Variants in ACADVL observed in about 807,000 individuals in gnomAD.
ACADVL encodes the protein very long-chain acyl-CoA dehydrogenase, mitochondrial.
In ACADVL, 73 loss-of-function variants were observed where a neutral mutation model predicts 80.4. The ratio of observed to expected loss-of-function variants is 0.91; its 90% CI spans 0.75 to 1.10. The LOEUF (loss-of-function observed/expected upper bound fraction) is 1.10. ACADVL is among the 50% of genes least tolerant of loss of function. ACADVL has a pLI of 0.00. For missense variants in ACADVL, 878 were observed against 858.9 expected (o/e 1.02, Z -0.28); for synonymous variants, 392 against 326.5 (o/e 1.20, Z -2.16).
chr17:7,222,456 A>T (rs570101256), intron 9 of ACADVL, 154 bp downstream of exon 9: 1 of 1,306,976 alleles, frequency 7.7e-7, no homozygotes, highest in African/African-American at 1.5e-5. Context: ...CAACTGAGCT[A>T]AAGTTTTGGC....
rs374507980 is a variant in ACADVL at position 7,224,340 on chromosome 17, G to A, written c.1552G>A (p.Gly518Ser). ...QLRRRAGLGS[G>S]LSLSGLVHPE... ...TCTCAGGCGGGCAGGGCTGGGCAGC[G>A]GCCTGAGTCTCAGCGGACTTGTCCA... is the stretch of plus-strand genomic sequence containing the variant. Residue 518 changes from glycine to serine, a missense_variant, in exon 16 of 20, where the codon GGC (glycine) becomes AGC (serine). By Grantham distance (56) the Gly-to-Ser change is moderately conservative. Transcript: ENST00000356839. The A allele has an allele frequency of 1.9e-5, 31 of 1,613,876 alleles. No homozygotes were observed. The highest frequency in any genetic ancestry group is 1.6e-4 in the Middle Eastern group (1 of 6,062).
intron 6 of ACADVL, 108 bp from the exon 7 acceptor site, chr17:7,221,417 AGGCACTGCCCTAG>A: frequency 1.6e-6 from 2 of 1,229,810 alleles, no homozygotes; most frequent in Non-Finnish European, 2.3e-6. Flanking sequence ...GGCCCAGGTC[AGGCACTGCCCTAG>A]GTCAGGAACT....
intron 11 of ACADVL, 153 bp downstream of exon 11, chr17:7,223,390 G>T (rs778800581): frequency 1.2e-6 from 1 of 855,232 alleles, no homozygotes. Flanking sequence ...CTCAGCTTCT[G>T]CGAAGAGAGA....
chr17:7,224,705 T>C lies in ACADVL; in HGVS notation c.1742T>C (p.Val581Ala). Residue 581 changes from valine to alanine, a missense_variant, in exon 18 of 20, where the codon GTT becomes GCT. Coordinates refer to ENST00000356839, the MANE Select transcript of ACADVL (RefSeq NM_000018.4). ...ATCGACCTCTATGCCATGGTGGTGG[T>C]TCTCTCGAGGTGAGGAGGCAGGCAG... ...GAIDLYAMVV[V>A]LSRASRSLSE... 6.8e-7 allele frequency: 1 copy of C among 1,461,140 alleles called. No individual in the cohort carries two copies. Among genetic ancestry groups the C allele is most frequent in the South Asian group, 1.1e-5 (1 of 87,286 alleles). The allele number at this position is 1,461,140 out of a possible 1,614,324, so 90.5% of individuals were successfully genotyped here.
chr17:7,220,824 C>T lies in ACADVL; in HGVS notation c.336C>T (p.Phe112=), dbSNP rs537031882. ...AGCTGGTGGAGCCTGTGTCCCGTTT[C>T]TTCGAGGTAAGGAATGACTCGGGGC... is the stretch of plus-strand genomic sequence containing the variant. ...LKELVEPVSR[F]FEEVNDPAKN... is the part of the protein sequence containing the mutation. Residue 112 remains phenylalanine (F), a synonymous_variant, in exon 5 of 20, where the codon TTC becomes TTT. Coordinates refer to ENST00000356839, the MANE Select transcript of ACADVL (RefSeq NM_000018.4). 6.2e-7 allele frequency: 1 copy of T among 1,614,104 alleles called. No individual in the cohort carries two copies. The highest frequency in any genetic ancestry group is 8.5e-7 in the Non-Finnish European group (1 of 1,180,030).
At position 7,223,849 on chromosome 17, in the gene ACADVL, A is replaced by G; in HGVS notation, c.1306A>G (p.Ile436Val). Residue 436 changes from isoleucine to valine, a missense_variant, in exon 13 of 20, where the codon ATC becomes GTC. Transcript: ENST00000356839. ...AWKVTDECIQIMGGMGFMKEP... is the reference protein window; with the variant it reads ...AWKVTDECIQVMGGMGFMKEP... Reference sequence around the variant, plus strand: ...GAAGGTGACAGATGAATGCATCCAAATCATGGGGGGTATGGGCTTCATGAA... The same window carrying G: ...GAAGGTGACAGATGAATGCATCCAAGTCATGGGGGGTATGGGCTTCATGAA... 1 of 1,613,996 alleles carries G rather than the reference A, an allele frequency of 6.2e-7. No individual in the cohort carries two copies.
In ACADVL at chr17:7,220,154, G is replaced by A. The variant is rs754806489; in HGVS notation, c.95G>A (p.Arg32Gln). ...CTCACGGCGCTCCTGGGGCAGCCCC[G>A]GCCCGGCCCTGCCCGGCGGCCCTAT... Reference protein sequence around the residue: ...SRLTALLGQPRPGPARRPYAG... With the variant: ...SRLTALLGQPQPGPARRPYAG... The change falls in exon 2 of 20, where the codon CGG (arginine) becomes CAG (glutamine). Residue 32 changes from arginine to glutamine, a missense_variant. Coordinates refer to ENST00000356839, the MANE Select transcript of ACADVL (RefSeq NM_000018.4). The A allele has an allele frequency of 1.6e-5, 24 of 1,545,602 alleles. No homozygotes were observed. The highest frequency in any genetic ancestry group is 1.9e-4 in the Middle Eastern group (1 of 5,188).
chr17:7,219,902 G>C (rs879906860), upstream of ACADVL: 8 of 1,555,700 alleles, frequency 5.1e-6, no homozygotes, highest in Middle Eastern at 3.3e-4. Flanking sequence ...GATGAGTCAG[G>C]GTTAGGGGCG....
Position 7,222,114 on chromosome 17 carries a change from C to T in ACADVL, c.752+33C>T, listed in dbSNP as rs112562398. The stretch of plus-strand genomic sequence containing the variant: ...GCCTCCCATTTCTCCCCTTCTCCTC[C>T]GCCCAATTCCAGGCCCCACTGCTCC... On this transcript the variant is annotated intron_variant, in intron 8 of 19. Transcript: ENST00000356839. 99 of 1,614,188 alleles carry T rather than the reference C, an allele frequency of 6.1e-5. 1 individual carries two copies. The highest frequency in any genetic ancestry group is 1.6e-4 in the Middle Eastern group (1 of 6,062).
chr17:7,221,078 A>G lies in ACADVL; in HGVS notation c.477+20A>G, dbSNP rs1182585505. The G allele has an allele frequency of 2.5e-6, 4 of 1,612,550 alleles. No individual in the cohort carries two copies. The highest frequency in any genetic ancestry group is 3.4e-6 in the Non-Finnish European group (4 of 1,180,016). ...ACCCAGGTGAGGGCGCCCTATCGCC[A>G]CATCCCAGTATGCCATACCCCAGCT... On this transcript the variant is annotated intron_variant, in intron 6 of 19. Coordinates refer to ENST00000356839, the MANE Select transcript of ACADVL (RefSeq NM_000018.4).
upstream of ACADVL, chr17:7,217,334 GA>G (rs2070967166): frequency 4.0e-6 from 1 of 248,564 alleles, no homozygotes; most frequent in Admixed American, 6.2e-5. Context: ...GCGTGGGAGG[GA>G]GGGGAAGGGG....
chr17:7,217,229 C>T, upstream of ACADVL: 1 of 1,258,496 alleles, frequency 7.9e-7, no homozygotes, highest in Non-Finnish European at 1.0e-6. Context: ...GGTTCTCACC[C>T]CTCCCCCCTC....
At position 7,221,959 on chromosome 17, in the gene ACADVL, T is replaced by G; in HGVS notation, c.630T>G (p.Thr210=). The G allele has an allele frequency of 6.2e-7, 1 of 1,614,066 alleles. No homozygotes were observed. The highest frequency in any genetic ancestry group is 1.3e-5 in the African/African-American group (1 of 75,004). Residue 210 remains threonine (T), a synonymous_variant, in exon 8 of 20, where the codon ACT becomes ACG. Coordinates refer to ENST00000356839, the MANE Select transcript of ACADVL (RefSeq NM_000018.4). ...KYLPKLASGE[T]VAAFCLTEPS... Reference sequence around the variant, plus strand: ...TAGCTCTCTCCCCAACAGGGGAGACTGTGGCCGCTTTCTGTCTAACCGAGC... The same window carrying G: ...TAGCTCTCTCCCCAACAGGGGAGACGGTGGCCGCTTTCTGTCTAACCGAGC...
At chr17:7,218,904 C>T (rs1413852528), upstream of ACADVL, 3 of 1,587,166 alleles carry the variant, frequency 1.9e-6, no homozygotes, top group Admixed American at 1.7e-5. Context: ...AGTTGAGCTG[C>T]TTCTCCCCAC....
Position 7,220,208 on chromosome 17 carries a change from G to T in ACADVL, c.138+11G>T. On this transcript the variant is annotated intron_variant, in intron 2 of 19. Transcript: ENST00000356839. ...GGGGGTGCCGCTCAGGTAAGTCACCGCAGCCTTGGCAAGGGGGTGTGGGAG... is the reference window on the plus strand; with the variant it reads ...GGGGGTGCCGCTCAGGTAAGTCACCTCAGCCTTGGCAAGGGGGTGTGGGAG... 2 of 1,530,258 alleles carry T rather than the reference G, an allele frequency of 1.3e-6. No individual in the cohort carries two copies. The highest frequency in any genetic ancestry group is 1.7e-6 in the Non-Finnish European group (2 of 1,144,270). The allele number at this position is 1,530,258 out of a possible 1,614,324, so 94.8% of individuals were successfully genotyped here.
At chr17:7,223,276 G>A (rs1389520745) in intron 11 of ACADVL, 39 bp downstream of exon 11, 2 of 1,568,570 alleles carry the variant, frequency 1.3e-6, no homozygotes, top group Non-Finnish European at 1.8e-6. Flanking sequence ...GAGCCCTGGG[G>A]CTTTCTTCCC....
chr17:7,225,220 C>A lies in ACADVL; in HGVS notation c.*123C>A. 1 of 1,336,490 alleles carries A rather than the reference C, an allele frequency of 7.5e-7. No individual in the cohort carries two copies. The highest frequency in any genetic ancestry group is 1.1e-6 in the Non-Finnish European group (1 of 947,238). 82.8% of individuals were successfully genotyped at this position (1,336,490 alleles called of 1,614,324 possible). Reference sequence around the variant, plus strand: ...GTGTTCCCAGCACTGTGCCTGCTCTCAAGAGCACTTACTGCCTCGCAAATA... The same window carrying A: ...GTGTTCCCAGCACTGTGCCTGCTCTAAAGAGCACTTACTGCCTCGCAAATA... On this transcript the variant is annotated 3_prime_UTR_variant, in exon 20 of 20. Transcript: ENST00000356839.
upstream of ACADVL, chr17:7,219,770 G>A: frequency 1.3e-6 from 2 of 1,483,870 alleles, no homozygotes; most frequent in East Asian, 2.5e-5. Context: ...GGAGTTTGGG[G>A]GAGACGAGGG....
At chr17:7,217,157 C>G, upstream of ACADVL, 1 of 1,289,428 alleles carries the variant, frequency 7.8e-7, no homozygotes, top group Non-Finnish European at 9.9e-7. Context: ...TGTTGGGGGG[C>G]CTGGCCGCGG....
Sources: gnomAD v4.1 joint callset for allele counts on GRCh38, gnomAD v4.1.1 for gene constraint, MANE v1.5 for transcripts, NCBI Gene and HGNC (gene_info 2026-07-23, HGNC 2026-07-21) for gene names.